Variants in LRRTM3 observed in about 807,000 individuals in gnomAD.
LRRTM3 encodes leucine-rich repeat transmembrane neuronal protein 3.
A neutral mutation model predicts 44.7 loss-of-function variants in LRRTM3; 24 were observed. That is an observed-to-expected ratio of 0.54 (90% CI 0.39 to 0.76). The LOEUF (loss-of-function observed/expected upper bound fraction) is 0.76, where lower values mean the gene tolerates loss of function less well. Ranked by LOEUF, LRRTM3 falls within the 30% of genes least tolerant of loss-of-function variation. The probability of loss-of-function intolerance (pLI) is 0.00; values close to 1 mark genes in which losing one functional copy is unlikely to be tolerated. For synonymous variants in LRRTM3, 277 were observed against 278.7 expected (o/e 0.99, Z 0.06); for missense variants, 587 against 702.2 (o/e 0.84, Z 1.85).
intron 2 of LRRTM3, among the ~76,000 whole-genome samples, chr10:66,978,526 CAAAA>C (rs1170594360): frequency 1.9e-4 from 8 of 42,318 alleles, no homozygotes; most frequent in African/African-American, 4.1e-4. Context: ...GACTCCATCT[CAAAA>C]AAAAAAAAAA....
chr10:66,926,610 T>G (rs1161365839), intron 1 of LRRTM3, 23 bp downstream of exon 1: 2 of 1,613,742 alleles, frequency 1.2e-6, no homozygotes, highest in Admixed American at 3.3e-5. Flanking sequence ...ATTTTTCTTC[T>G]TTCCTTCTTA....
intron 2 of LRRTM3, among the ~76,000 whole-genome samples, chr10:66,929,978 C>T (rs1265864659): frequency 1.3e-5 from 2 of 152,194 alleles, no homozygotes; most frequent in Non-Finnish European, 2.9e-5. Flanking sequence ...CCAACCCCTA[C>T]ATCTTTAACC....
At chr10:67,054,623 A>G (rs577483098) in intron 2 of LRRTM3, 3 of 152,282 alleles carry the variant, frequency 2.0e-5, no homozygotes, top group East Asian at 1.9e-4. Context: ...CAGGTTCAAT[A>G]TGATGCAGTA....
chr10:66,992,343 G>T (rs1468193632), intron 2 of LRRTM3, among the ~76,000 whole-genome samples: 5 of 151,750 alleles, frequency 3.3e-5, no homozygotes, highest in Admixed American at 6.6e-5. Flanking sequence ...TATATCCTTT[G>T]CCTATTTGTT....
chr10:67,013,940 G>T (rs1278683277), intron 2 of LRRTM3, among the ~76,000 whole-genome samples: 1 of 152,030 alleles, frequency 6.6e-6, no homozygotes, highest in Non-Finnish European at 1.5e-5. Context: ...GAGCCCCAAG[G>T]TCTAAAAACC....
At chr10:67,065,254 C>T (rs1856008514) in intron 2 of LRRTM3, among the ~76,000 whole-genome samples, 1 of 152,096 alleles carries the variant, frequency 6.6e-6, no homozygotes, top group African/African-American at 2.4e-5. Context: ...TGCTGTATGG[C>T]CTTGGGCAAC....
At chr10:67,050,059 G>A (rs1025225683) in intron 2 of LRRTM3, among the ~76,000 whole-genome samples, 7 of 152,140 alleles carry the variant, frequency 4.6e-5, no homozygotes, top group African/African-American at 1.4e-4. Flanking sequence ...GGCTAGGCAT[G>A]CACAAATTTC....
intron 2 of LRRTM3, among the ~76,000 whole-genome samples, chr10:67,074,670 A>T (rs1856657258): frequency 6.6e-6 from 1 of 152,154 alleles, no homozygotes; most frequent in South Asian, 2.1e-4. Flanking sequence ...CTTTTCATAC[A>T]AATTTATCTA....
In LRRTM3 at chr10:66,982,843, G is replaced by C. The variant is rs548674693; in HGVS notation, c.1536+54391G>C. Among the ~76,000 whole-genome samples the C allele has an allele frequency of 4.6e-5, 7 of 152,286 alleles. No homozygotes were observed. The South Asian group carries it at 1.5e-3, about 32-fold the overall frequency. On this transcript the variant is annotated intron_variant, in intron 2 of 2. Coordinates refer to ENST00000361320, the MANE Select transcript of LRRTM3 (RefSeq NM_178011.5). ...ATTATGAGAACATTAGGGACCCTAA[G>C]AGAGAAGCTGAAGTCCTTCAGCTGA...
At chr10:66,968,419 A>T (rs1849551000) in intron 2 of LRRTM3, among the ~76,000 whole-genome samples, 2 of 103,108 alleles carry the variant, frequency 1.9e-5, no homozygotes, top group South Asian at 2.4e-4. Flanking sequence ...AAAGAAATTA[A>T]AAAAAAGAGA....
intron 2 of LRRTM3, 112 bp from the exon 3 acceptor site, chr10:67,097,475 G>T (rs1858072031): frequency 1.1e-6 from 1 of 876,394 alleles, no homozygotes; most frequent in African/African-American, 1.7e-5. Context: ...GGGCCACAGG[G>T]CCACAGATAT....
intron 2 of LRRTM3, among the ~76,000 whole-genome samples, chr10:66,963,300 C>T (rs906190618): frequency 2.0e-5 from 3 of 152,154 alleles, no homozygotes; most frequent in Admixed American, 6.5e-5. Flanking sequence ...ACCTCTGCAA[C>T]TTGTGAGCTG....
chr10:67,047,643 TATATATTTATGAAATAAATTCAC>T (rs1156839904), intron 2 of LRRTM3, among the ~76,000 whole-genome samples: 28 of 152,164 alleles, frequency 1.8e-4, no homozygotes, highest in Admixed American at 2.0e-4. Context: ...AAGTTGCTAC[TATATATTTATGAAATAAATTCAC>T]ATATATTTAT....
At chr10:67,045,734 GC>G (rs1288864772) in intron 2 of LRRTM3, among the ~76,000 whole-genome samples, 1 of 152,074 alleles carries the variant, frequency 6.6e-6, no homozygotes, top group Non-Finnish European at 1.5e-5. Flanking sequence ...ACCAGCCAAG[GC>G]CCCCCTCTGT....
intron 2 of LRRTM3, among the ~76,000 whole-genome samples, chr10:67,003,168 T>C (rs1298128935): frequency 6.6e-6 from 1 of 152,182 alleles, no homozygotes. Flanking sequence ...CTTACCAGGA[T>C]GCCTGCTGAA....
chr10:67,074,849 T>C (rs1856665710), intron 2 of LRRTM3, among the ~76,000 whole-genome samples: 1 of 152,202 alleles, frequency 6.6e-6, no homozygotes, highest in African/African-American at 2.4e-5. Context: ...GAATTATAAT[T>C]CATTTATGTA....
At chr10:66,993,493 C>A (rs1190855859) in intron 2 of LRRTM3, among the ~76,000 whole-genome samples, 1 of 152,126 alleles carries the variant, frequency 6.6e-6, no homozygotes, top group African/African-American at 2.4e-5. Context: ...TCTGGCAGGA[C>A]AAGCCTTATC....
intron 2 of LRRTM3, among the ~76,000 whole-genome samples, chr10:67,086,711 G>A (rs1031662542): frequency 6.6e-6 from 1 of 151,918 alleles, no homozygotes; most frequent in Non-Finnish European, 1.5e-5. Flanking sequence ...ATCATATATA[G>A]AGCCTCTCTG....
chr10:67,093,303 T>C (rs1251757818), intron 2 of LRRTM3, among the ~76,000 whole-genome samples: 6 of 151,958 alleles, frequency 3.9e-5, no homozygotes, highest in Non-Finnish European at 8.8e-5. Flanking sequence ...TATGAAATAA[T>C]GTATTTGGGT....
Sources: gnomAD v4.1 joint callset for allele counts (sites outside exome capture counted in the v4.1 genomes callset) on GRCh38, gnomAD v4.1.1 for gene constraint, MANE v1.5 for transcripts, NCBI Gene and HGNC (gene_info 2026-07-23, HGNC 2026-07-21) for gene names.